GUCY2F: variants seen among roughly 807,000 people sequenced by gnomAD.
GUCY2F encodes the protein retinal guanylyl cyclase 2.
GUCY2F carries 61 observed loss-of-function variants against 73.1 expected under a neutral mutation model. The ratio of observed to expected loss-of-function variants is 0.83; its 90% CI spans 0.68 to 1.03. GUCY2F has a LOEUF of 1.03. GUCY2F is among the 50% of genes least tolerant of loss of function. GUCY2F has a pLI of 0.00. For synonymous variants in GUCY2F, 331 were observed against 307.8 expected (o/e 1.08, Z -0.79); for missense variants, 912 against 854.3 (o/e 1.07, Z -0.84).
At chrX:109,381,477 T>C (rs1930307968) in intron 17 of GUCY2F, among the ~76,000 whole-genome samples, 1 of 111,763 alleles carries the variant, frequency 8.9e-6, no homozygotes, top group African/African-American at 3.3e-5. Flanking sequence ...ACCGGTGGTC[T>C]TTGGTCATTC....
chrX:109,404,463 T>C lies in GUCY2F; in HGVS notation c.1990A>G (p.Arg664Gly). Reference sequence around the variant, plus strand: ...TTTAGCCTCCCATGAACAAACTCTCTGTGGTGTAAGTACTTCATGCCCTGT... The same window carrying C: ...TTTAGCCTCCCATGAACAAACTCTCCGTGGTGTAAGTACTTCATGCCCTGT... ...LIKGMKYLHH[R>G]EFVHGRLKSR... is the part of the protein sequence containing the mutation. The change falls in exon 10 of 20, where the codon AGA becomes GGA. Residue 664 changes from arginine (R) to glycine (G), a missense_variant. Transcript: ENST00000218006. 1 of 1,193,152 alleles carries C rather than the reference T, an allele frequency of 8.4e-7. No homozygotes were observed. The highest frequency in any genetic ancestry group is 1.7e-5 in the African/African-American group (1 of 57,512).
At chrX:109,443,688 C>T (rs1227434397) in intron 6 of GUCY2F, among the ~76,000 whole-genome samples, 1 of 111,759 alleles carries the variant, frequency 8.9e-6, no homozygotes, top group African/African-American at 3.3e-5. Context: ...AAATAAAAGC[C>T]TCATTCAATC....
rs148304196 is a variant in GUCY2F at position 109,455,850 on chromosome X, C to T, written c.1033-1991G>A. Among the ~76,000 whole-genome samples, 302 of 111,787 alleles carry T rather than the reference C, an allele frequency of 2.7e-3. 1 individual carries two copies. The highest frequency in any genetic ancestry group is 8.9e-3 in the African/African-American group (273 of 30,782). On this transcript the variant is annotated intron_variant, in intron 3 of 19. Coordinates refer to ENST00000218006, the MANE Select transcript of GUCY2F (RefSeq NM_001522.3). ...AGTCAATGGCCTACTTTTATATCTC[C>T]ACTTGGATGTTAAAAATCAACATAC...
At chrX:109,416,142 T>C (rs144117722) in intron 8 of GUCY2F, among the ~76,000 whole-genome samples, 1,332 of 109,360 alleles carry the variant, frequency 0.012, 18 homozygotes, top group African/African-American at 0.042. Context: ...TATTCAGTAA[T>C]GAACCAAAAA....
At chrX:109,394,701 A>T (rs1292944912) in intron 12 of GUCY2F, among the ~76,000 whole-genome samples, 1 of 109,409 alleles carries the variant, frequency 9.1e-6, no homozygotes, top group Non-Finnish European at 1.9e-5. Flanking sequence ...CCTTTCCTTC[A>T]CTCCCCTTTC....
chrX:109,393,748 C>G (rs906736061), intron 12 of GUCY2F, among the ~76,000 whole-genome samples: 3 of 112,106 alleles, frequency 2.7e-5, no homozygotes, highest in Non-Finnish European at 5.6e-5. Context: ...GGGACCTTGT[C>G]TATCTACAGT....
chrX:109,414,061 G>A (rs1449990798), intron 8 of GUCY2F, among the ~76,000 whole-genome samples: 1 of 110,172 alleles, frequency 9.1e-6, no homozygotes, highest in African/African-American at 3.3e-5. Flanking sequence ...AGTGATTCTC[G>A]TGCGAATCTC....
At chrX:109,443,047 G>T (rs1249143244) in intron 6 of GUCY2F, among the ~76,000 whole-genome samples, 1 of 111,883 alleles carries the variant, frequency 8.9e-6, no homozygotes, top group Non-Finnish European at 1.9e-5. Context: ...TTCACTAAGA[G>T]TTTACACTTT....
At chrX:109,427,953 CAG>C (rs1177821894) in intron 8 of GUCY2F, among the ~76,000 whole-genome samples, 1 of 111,254 alleles carries the variant, frequency 9.0e-6, no homozygotes, top group African/African-American at 3.3e-5. Context: ...TTTAGATAGA[CAG>C]ATTGATTGAT....
intron 16 of GUCY2F, among the ~76,000 whole-genome samples, chrX:109,384,152 C>G (rs867203410): frequency 8.9e-6 from 1 of 111,889 alleles, no homozygotes; most frequent in African/African-American, 3.2e-5. Flanking sequence ...ATTGTGTAAG[C>G]CTGTTTCTAC....
intron 13 of GUCY2F, among the ~76,000 whole-genome samples, chrX:109,392,687 T>C (rs762436739): frequency 8.9e-6 from 1 of 112,330 alleles, no homozygotes; most frequent in African/African-American, 3.2e-5. Context: ...CTACAGGTAG[T>C]GGAAAATTAG....
At chrX:109,463,583 G>A (rs772824150) in intron 3 of GUCY2F, among the ~76,000 whole-genome samples, 17 of 109,628 alleles carry the variant, frequency 1.6e-4, no homozygotes, top group African/African-American at 4.0e-4. Flanking sequence ...GACTACAGGC[G>A]CCCGCCACCA....
At chrX:109,433,351 T>C (rs933243944) in intron 7 of GUCY2F, among the ~76,000 whole-genome samples, 1 of 111,861 alleles carries the variant, frequency 8.9e-6, no homozygotes, top group East Asian at 2.8e-4. Flanking sequence ...CATATTTTGA[T>C]AAAGAAACTG....
At chrX:109,445,523 A>G (rs1272294622) in intron 6 of GUCY2F, among the ~76,000 whole-genome samples, 1 of 112,082 alleles carries the variant, frequency 8.9e-6, no homozygotes, top group Non-Finnish European at 1.9e-5. Context: ...AGTAGTCACA[A>G]TTAATAAACA....
intron 10 of GUCY2F, among the ~76,000 whole-genome samples, chrX:109,402,519 C>T (rs759189679): frequency 1.8e-5 from 2 of 110,191 alleles, no homozygotes; most frequent in Non-Finnish European, 3.8e-5. Context: ...ATTATAGAAG[C>T]GCGCCACCAC....
rs115112514 is a variant in GUCY2F at position 109,444,404 on chromosome X, C to A, written c.1570-2922G>T. Reference sequence around the variant, plus strand: ...CAGAAGAGCAGTTTGGTCACTGAGACAACAATTAATTCTCAAATCTGGCAC... The same window carrying A: ...CAGAAGAGCAGTTTGGTCACTGAGAAAACAATTAATTCTCAAATCTGGCAC... On this transcript the variant is annotated intron_variant, in intron 6 of 19. Transcript: ENST00000218006. Among the ~76,000 whole-genome samples, 641 of 112,052 alleles carry A rather than the reference C, an allele frequency of 5.7e-3. 6 individuals carry two copies. Among genetic ancestry groups the A allele is most frequent in the African/African-American group, 0.02 (603 of 30,894 alleles).
intron 8 of GUCY2F, among the ~76,000 whole-genome samples, chrX:109,429,079 C>G (rs981641459): frequency 3.6e-5 from 4 of 111,940 alleles, no homozygotes; most frequent in Admixed American, 2.8e-4. Flanking sequence ...GTCTCATTAT[C>G]TTGCCTTCAT....
intron 1 of GUCY2F, among the ~76,000 whole-genome samples, chrX:109,479,905 G>T (rs1394703600): frequency 9.0e-6 from 1 of 111,403 alleles, no homozygotes; most frequent in Admixed American, 9.6e-5. Flanking sequence ...GAGAGTATAA[G>T]GGCCTGGCCA....
At chrX:109,461,385 T>G (rs1268414114) in intron 3 of GUCY2F, among the ~76,000 whole-genome samples, 1 of 112,450 alleles carries the variant, frequency 8.9e-6, no homozygotes, top group Non-Finnish European at 1.9e-5. Flanking sequence ...TTTGATAGCT[T>G]TTTGTTCATT....
Sources: gnomAD v4.1 joint callset for allele counts (sites outside exome capture counted in the v4.1 genomes callset) on GRCh38, gnomAD v4.1.1 for gene constraint, MANE v1.5 for transcripts, NCBI Gene and HGNC (gene_info 2026-07-23, HGNC 2026-07-21) for gene names.